PAPPA: variants seen among roughly 807,000 people sequenced by gnomAD.
PAPPA encodes the protein pappalysin 1, also known as pappalysin-1.
Under a neutral mutation model 164.0 loss-of-function variants are expected in PAPPA, and 60 were observed. That is an observed-to-expected ratio of 0.37 (90% CI 0.30 to 0.45). The LOEUF is 0.45. Ranked by LOEUF, PAPPA falls within the 20% of genes least tolerant of loss-of-function variation. The pLI is 1.00. For synonymous variants in PAPPA, 875 were observed against 814.1 expected (o/e 1.07, Z -1.27); for missense variants, 1,782 against 2,087.3 (o/e 0.85, Z 2.85).
chr9:116,282,502 G>A (rs1165881463), intron 9 of PAPPA, among the ~76,000 whole-genome samples: 2 of 152,102 alleles, frequency 1.3e-5, no homozygotes, highest in East Asian at 3.8e-4. Context: ...AAATTAATTG[G>A]ATAAAATTCA....
At chr9:116,332,056 G>C (rs2118950322) in intron 11 of PAPPA, among the ~76,000 whole-genome samples, 1 of 151,972 alleles carries the variant, frequency 6.6e-6, no homozygotes, top group South Asian at 2.1e-4. Flanking sequence ...TCCACCATTT[G>C]GAAATAATGG....
chr9:116,325,598 G>A (rs1487456639), intron 10 of PAPPA, among the ~76,000 whole-genome samples: 1 of 152,156 alleles, frequency 6.6e-6, no homozygotes. Flanking sequence ...TGGACAAGGG[G>A]TCACTTGCCT....
intron 9 of PAPPA, among the ~76,000 whole-genome samples, chr9:116,300,948 G>T (rs539960285): frequency 2.6e-5 from 4 of 152,086 alleles, no homozygotes; most frequent in African/African-American, 4.8e-5. Context: ...AGGTTTTCCT[G>T]GTTGGGACTA....
chr9:116,385,940 G>A (rs1375283551), intron 21 of PAPPA, among the ~76,000 whole-genome samples: 3 of 152,236 alleles, frequency 2.0e-5, no homozygotes, highest in Non-Finnish European at 4.4e-5. Flanking sequence ...AGGCAATGAT[G>A]AGAAAGTGTG....
At chr9:116,237,787 T>C (rs1844687844) in intron 7 of PAPPA, among the ~76,000 whole-genome samples, 1 of 152,002 alleles carries the variant, frequency 6.6e-6, no homozygotes, top group Non-Finnish European at 1.5e-5. Context: ...TGGTGTGATC[T>C]TGGCTCGCTG....
intron 13 of PAPPA, among the ~76,000 whole-genome samples, chr9:116,340,005 G>C (rs1318952399): frequency 2.6e-5 from 4 of 152,170 alleles, no homozygotes; most frequent in African/African-American, 4.8e-5. Context: ...TATCTGATCA[G>C]CTCTGCACCC....
At chr9:116,298,677 G>A (rs529135892) in intron 9 of PAPPA, among the ~76,000 whole-genome samples, 10 of 152,150 alleles carry the variant, frequency 6.6e-5, no homozygotes, top group Admixed American at 2.0e-4. Flanking sequence ...TTGGTCATTC[G>A]TTCATTCAAC....
intron 19 of PAPPA, among the ~76,000 whole-genome samples, chr9:116,371,694 C>T (rs1430921041): frequency 1.3e-5 from 2 of 152,024 alleles, no homozygotes; most frequent in African/African-American, 4.8e-5. Context: ...CCTTCTGCCT[C>T]AGCCTCCTTC....
intron 6 of PAPPA, 50 bp from the exon 7 acceptor site, chr9:116,235,089 G>T: frequency 6.2e-7 from 1 of 1,609,352 alleles, no homozygotes; most frequent in Non-Finnish European, 8.5e-7. Context: ...TCTAAGGATG[G>T]GAATAAAGCT....
In PAPPA at chr9:116,344,579, A is replaced by G; in HGVS notation, c.3648A>G (p.Pro1216=). 3 of 1,614,140 alleles carry G rather than the reference A, an allele frequency of 1.9e-6. No individual in the cohort carries two copies. The highest frequency in any genetic ancestry group is 2.2e-5 in the South Asian group (2 of 91,080). ...TCGCATGTGAGAAAACTGACTGTCC[A>G]GAGCTGGCTGTGGAGAATGCTTCTC... The part of the protein sequence containing the change: ...VHFACEKTDC[P]ELAVENASLN... Residue 1216 remains proline, a synonymous_variant, in exon 14 of 22, where the codon CCA becomes CCG. Transcript: ENST00000328252.
intron 7 of PAPPA, among the ~76,000 whole-genome samples, chr9:116,247,338 T>C (rs941608425): frequency 6.6e-6 from 1 of 152,324 alleles, no homozygotes; most frequent in Middle Eastern, 3.4e-3. Context: ...TTCCTTTTAA[T>C]TGTGAGGCTC....
chr9:116,301,933 T>C (rs1188411199), intron 9 of PAPPA, among the ~76,000 whole-genome samples: 1 of 152,230 alleles, frequency 6.6e-6, no homozygotes, highest in African/African-American at 2.4e-5. Context: ...CAATGTCCCT[T>C]GTAAATCAGT....
At chr9:116,391,624 A>T (rs546089072) in intron 21 of PAPPA, among the ~76,000 whole-genome samples, 1 of 152,342 alleles carries the variant, frequency 6.6e-6, no homozygotes, top group African/African-American at 2.4e-5. Flanking sequence ...TGTTAGCCTC[A>T]GCAGCTCACC....
intron 7 of PAPPA, among the ~76,000 whole-genome samples, chr9:116,259,153 A>G (rs1844971667): frequency 6.6e-6 from 1 of 151,366 alleles, no homozygotes; most frequent in African/African-American, 2.4e-5. Flanking sequence ...AATAGTAAAT[A>G]ATAATAATAA....
intron 10 of PAPPA, among the ~76,000 whole-genome samples, chr9:116,326,679 T>C (rs1183171054): frequency 6.6e-6 from 1 of 152,226 alleles, no homozygotes; most frequent in Non-Finnish European, 1.5e-5. Context: ...TGCAGAGTCC[T>C]AGAACTTATT....
At chr9:116,381,307 C>A (rs1846727878) in intron 20 of PAPPA, among the ~76,000 whole-genome samples, 1 of 152,214 alleles carries the variant, frequency 6.6e-6, no homozygotes, top group South Asian at 2.1e-4. Flanking sequence ...AATTACATTC[C>A]ACTTCAGAAA....
intron 7 of PAPPA, among the ~76,000 whole-genome samples, chr9:116,251,278 AG>A (rs982466042): frequency 6.6e-6 from 1 of 152,148 alleles, no homozygotes; most frequent in Non-Finnish European, 1.5e-5. Flanking sequence ...TTCAGAATTG[AG>A]GGGAAATGTA....
chr9:116,187,279 C>G lies in PAPPA; in HGVS notation c.541C>G (p.Gln181Glu). Residue 181 changes from glutamine to glutamate, a missense_variant, in exon 2 of 22, where the codon CAA becomes GAA. Transcript: ENST00000328252. The surrounding 1 kb of genome is among the most constrained non-coding windows in gnomAD (Gnocchi z 4.2). Reference sequence around the variant, plus strand: ...CTCCTTGAAGACAGACCGAGCCCGGCAAGTGACCACCATCAATGCCCACCG... The same window carrying G: ...CTCCTTGAAGACAGACCGAGCCCGGGAAGTGACCACCATCAATGCCCACCG... ...FFSLKTDRAR[Q>E]VTTINAHRSY... is the part of the protein sequence containing the mutation. 1 of 1,614,198 alleles carries G rather than the reference C, an allele frequency of 6.2e-7. No homozygotes were observed. The highest frequency in any genetic ancestry group is 1.1e-5 in the South Asian group (1 of 91,080).
intron 1 of PAPPA, among the ~76,000 whole-genome samples, chr9:116,181,899 A>C (rs1484053990): frequency 6.6e-6 from 1 of 152,262 alleles, no homozygotes. Context: ...GTCCCTACAG[A>C]AGAATGATAA....
Sources: gnomAD v4.1 joint callset for allele counts (sites outside exome capture counted in the v4.1 genomes callset) on GRCh38, gnomAD v4.1.1 for gene constraint, Gnocchi (gnomAD v3.1) non-coding constraint, MANE v1.5 for transcripts, NCBI Gene and HGNC (gene_info 2026-07-23, HGNC 2026-07-21) for gene names.